Variants in NLGN4X observed in about 807,000 individuals in gnomAD.
The protein encoded by NLGN4X is neuroligin 4 X-linked, also known as neuroligin-4, X-linked.
A neutral mutation model predicts 40.3 loss-of-function variants in NLGN4X; 3 were observed. The observed-to-expected ratio is 0.07, with a 90% CI of 0.03 to 0.19. The LOEUF (loss-of-function observed/expected upper bound fraction) is 0.19. Ranked by LOEUF, NLGN4X falls within the 10% of genes least tolerant of loss-of-function variation. The pLI, the probability that NLGN4X is intolerant of heterozygous loss-of-function variation, is 1.00. For missense variants in NLGN4X, 382 were observed against 708.3 expected (o/e 0.54, Z 5.23); for synonymous variants, 270 against 306.8 (o/e 0.88, Z 1.25).
At chrX:5,934,522 T>C (rs1255230146) in intron 3 of NLGN4X, among the ~76,000 whole-genome samples, 2 of 111,456 alleles carry the variant, frequency 1.8e-5, no homozygotes, top group East Asian at 5.6e-4. Context: ...TGCAAATAAT[T>C]AGATTTTAAA....
intron 2 of NLGN4X, among the ~76,000 whole-genome samples, chrX:6,032,231 C>A (rs1200808940): frequency 4.3e-5 from 4 of 93,248 alleles, no homozygotes; most frequent in African/African-American, 7.9e-5. Flanking sequence ...TTCAGCCCCC[C>A]CCCCCCCAAA....
chrX:5,933,473 T>A (rs1283711509), intron 3 of NLGN4X, among the ~76,000 whole-genome samples: 4 of 111,977 alleles, frequency 3.6e-5, no homozygotes, highest in Non-Finnish European at 3.8e-5. Flanking sequence ...ATTCTATATA[T>A]TTTTGATTTT....
intron 3 of NLGN4X, among the ~76,000 whole-genome samples, chrX:5,959,898 C>T (rs1239226206): frequency 1.8e-5 from 2 of 111,261 alleles, no homozygotes; most frequent in Admixed American, 9.6e-5. Flanking sequence ...GATGCATTTG[C>T]GTTTCATCAA....
At chrX:5,897,643 A>C (rs2031576777) in intron 5 of NLGN4X, among the ~76,000 whole-genome samples, 1 of 111,572 alleles carries the variant, frequency 9.0e-6, no homozygotes, top group Non-Finnish European at 1.9e-5. Context: ...CCCTATTCAA[A>C]ATAATAATAA....
chrX:6,191,177 A>G (rs935949273), intron 1 of NLGN4X, among the ~76,000 whole-genome samples: 2 of 111,055 alleles, frequency 1.8e-5, no homozygotes, highest in Admixed American at 1.9e-4. Context: ...TCAAAAATGC[A>G]TCAATGAAAT....
In NLGN4X at chrX:6,104,924, T is replaced by G. The variant is rs1256467187; in HGVS notation, c.472+46071A>C. Among the ~76,000 whole-genome samples, 11 of 111,740 alleles carry G rather than the reference T, an allele frequency of 9.8e-5. No individual in the cohort carries two copies. In the East Asian group the frequency reaches 2.8e-3, roughly 28 times the overall value. Reference sequence around the variant, plus strand: ...AGTGGCCTGAATTTAATAGCAGAGATGGAACCAAAACTGTTAGAAAACTAT... The same window carrying G: ...AGTGGCCTGAATTTAATAGCAGAGAGGGAACCAAAACTGTTAGAAAACTAT... On this transcript the variant is annotated intron_variant, in intron 2 of 5. Coordinates refer to ENST00000381095, the MANE Select transcript of NLGN4X (RefSeq NM_181332.3).
intron 3 of NLGN4X, among the ~76,000 whole-genome samples, chrX:6,003,235 T>C (rs1249255044): frequency 8.9e-6 from 1 of 111,994 alleles, no homozygotes; most frequent in Non-Finnish European, 1.9e-5. Context: ...GGGGGTGGGC[T>C]AGCTTGAAGT....
intron 2 of NLGN4X, among the ~76,000 whole-genome samples, chrX:6,098,985 A>G (rs763696359): frequency 1.4e-4 from 16 of 111,928 alleles, no homozygotes; most frequent in African/African-American, 5.2e-4. Context: ...TTTTGGTCAG[A>G]TAATTCTTTA....
intron 1 of NLGN4X, among the ~76,000 whole-genome samples, chrX:6,226,398 T>G (rs1342716875): frequency 9.1e-6 from 1 of 109,804 alleles, no homozygotes; most frequent in Non-Finnish European, 1.9e-5. Flanking sequence ...TCGCTCTCCA[T>G]GCAGAACATC....
intron 1 of NLGN4X, among the ~76,000 whole-genome samples, chrX:6,179,718 C>A (rs896074362): frequency 8.9e-6 from 1 of 111,800 alleles, no homozygotes; most frequent in Non-Finnish European, 1.9e-5. Context: ...GCAGCCCAAT[C>A]TCTCAGGTCC....
intron 2 of NLGN4X, among the ~76,000 whole-genome samples, chrX:6,117,067 T>C (rs2039319320): frequency 9.0e-6 from 1 of 111,274 alleles, no homozygotes; most frequent in South Asian, 3.8e-4. Flanking sequence ...GGATTAGCCG[T>C]TCACCTTATG....
intron 1 of NLGN4X, among the ~76,000 whole-genome samples, chrX:6,167,832 A>G (rs949031854): frequency 3.6e-5 from 4 of 112,173 alleles, no homozygotes; most frequent in African/African-American, 1.3e-4. Context: ...ACTCAAGAAG[A>G]GTAGGACTAT....
At position 5,913,018 on chromosome X, in the gene NLGN4X, G is replaced by C. The variant is rs1374419778; in HGVS notation, c.626-3779C>G. Among the ~76,000 whole-genome samples the C allele has an allele frequency of 3.0e-4, 20 of 67,795 alleles. 1 individual carries two copies. Among genetic ancestry groups the C allele is most frequent in the Non-Finnish European group, 4.7e-4 (17 of 36,185 alleles). The allele number at this position is 67,795 out of a possible 115,157, so 58.9% of individuals were successfully genotyped here. A position where few individuals can be genotyped will look rare whatever the true frequency, so the allele number is the denominator to read the frequency against. ...AGGAAGGAAGGTAGGAGGGAGGGAG[G>C]GAAGGAAGTAAGGAAGGTGGGAGGG... On this transcript the variant is annotated intron_variant, in intron 3 of 5. Transcript: ENST00000381095.
At chrX:6,061,279 A>G (rs1437548198) in intron 2 of NLGN4X, among the ~76,000 whole-genome samples, 1 of 111,240 alleles carries the variant, frequency 9.0e-6, no homozygotes, top group African/African-American at 3.3e-5. Context: ...GTGGCTGTGG[A>G]TGTCGCTGCC....
chrX:6,221,394 TATATATATATA>T (rs1925681732), intron 1 of NLGN4X, among the ~76,000 whole-genome samples: 1 of 20,369 alleles, frequency 4.9e-5, no homozygotes, highest in African/African-American at 1.9e-4. Context: ...TCTTATATTA[TATATATATATA>T]TATATATATA....
intron 2 of NLGN4X, among the ~76,000 whole-genome samples, chrX:6,062,572 C>T (rs1228916721): frequency 9.0e-6 from 1 of 111,428 alleles, no homozygotes; most frequent in Non-Finnish European, 1.9e-5. Flanking sequence ...GATCTTACTG[C>T]TTGATATGGT....
chrX:5,980,711 T>C (rs2035361025), intron 3 of NLGN4X, among the ~76,000 whole-genome samples: 1 of 110,339 alleles, frequency 9.1e-6, no homozygotes, highest in Non-Finnish European at 1.9e-5. Flanking sequence ...TGTCCATATA[T>C]GTACAGTTCT....
chrX:6,029,619 A>G (rs1454802006), intron 2 of NLGN4X, among the ~76,000 whole-genome samples, 187 bp from the exon 3 acceptor site: 1 of 111,842 alleles, frequency 8.9e-6, no homozygotes, highest in Non-Finnish European at 1.9e-5. Context: ...TACGTTTTCT[A>G]TTTATGGAAA....
chrX:6,199,187 T>C (rs1279994535), intron 1 of NLGN4X, among the ~76,000 whole-genome samples: 1 of 111,796 alleles, frequency 8.9e-6, no homozygotes, highest in Non-Finnish European at 1.9e-5. Flanking sequence ...CCTTGATTTG[T>C]ACCCTAAGTT....
Sources: allele counts gnomAD v4.1 joint callset (sites outside exome capture counted in the v4.1 genomes callset), GRCh38; gene constraint gnomAD v4.1.1; transcripts MANE v1.5; gene names NCBI Gene and HGNC (gene_info 2026-07-23, HGNC 2026-07-21).